Variants in ARHGEF10 observed in about 807,000 individuals in gnomAD.
ARHGEF10 encodes Rho guanine nucleotide exchange factor 10, also known as Rho guanine nucleotide exchange factor (GEF) 10.
Under a neutral mutation model 147.4 loss-of-function variants are expected in ARHGEF10, and 140 were observed. The observed-to-expected ratio is 0.95, with a 90% CI of 0.83 to 1.09. ARHGEF10 has a LOEUF of 1.09. Ranked by LOEUF, ARHGEF10 falls within the 50% of genes least tolerant of loss-of-function variation. ARHGEF10 has a pLI of 0.00. For synonymous variants in ARHGEF10, 902 were observed against 695.8 expected (o/e 1.30, Z -4.67); for missense variants, 2,222 against 1,752.7 (o/e 1.27, Z -4.78).
intron 2 of ARHGEF10, among the ~76,000 whole-genome samples, chr8:1,851,849 G>A (rs1357449150): frequency 6.6e-6 from 1 of 151,914 alleles, no homozygotes; most frequent in African/African-American, 2.4e-5. Flanking sequence ...AGGAGGTCAA[G>A]GCTGCAGTAA....
chr8:1,862,081 C>T (rs914882175), intron 4 of ARHGEF10, among the ~76,000 whole-genome samples: 1 of 152,190 alleles, frequency 6.6e-6, no homozygotes, highest in Non-Finnish European at 1.5e-5. Context: ...GCGTTTTGAT[C>T]ATTGAATGAG....
intron 7 of ARHGEF10, among the ~76,000 whole-genome samples, chr8:1,873,966 C>A (rs906393565): frequency 6.6e-6 from 1 of 152,168 alleles, no homozygotes; most frequent in African/African-American, 2.4e-5. Context: ...GCCAATGCCT[C>A]CATAGGCCAC....
chr8:1,826,276 T>C, intron 1 of ARHGEF10: 1 of 789,490 alleles, frequency 1.3e-6, no homozygotes, highest in Non-Finnish European at 2.1e-6. Context: ...GTAACCACAT[T>C]TGTCTTCTGG....
chr8:1,836,304 C>T (rs940911423), intron 1 of ARHGEF10, among the ~76,000 whole-genome samples: 4 of 152,162 alleles, frequency 2.6e-5, no homozygotes, highest in African/African-American at 9.7e-5. Flanking sequence ...CAGGTATGAG[C>T]TCATGCTGCA....
intron 2 of ARHGEF10, among the ~76,000 whole-genome samples, chr8:1,849,407 CG>C (rs1276996265): frequency 2.7e-5 from 4 of 148,214 alleles, no homozygotes; most frequent in Non-Finnish European, 5.9e-5. Flanking sequence ...GGGCGTGGGC[CG>C]GCCGCGTGGA....
chr8:1,890,473 A>G (rs1200574843), intron 11 of ARHGEF10, among the ~76,000 whole-genome samples: 2 of 143,856 alleles, frequency 1.4e-5, no homozygotes, highest in East Asian at 2.1e-4. Flanking sequence ...TGTTGTGAGG[A>G]GACACTGAGT....
intron 25 of ARHGEF10, among the ~76,000 whole-genome samples, chr8:1,932,757 C>T (rs576742354): frequency 6.6e-6 from 1 of 152,332 alleles, no homozygotes; most frequent in South Asian, 2.1e-4. Context: ...AGTGACTGCA[C>T]ACCTCCACTT....
chr8:1,907,712 C>T (rs1351049757), intron 17 of ARHGEF10, among the ~76,000 whole-genome samples: 1 of 152,188 alleles, frequency 6.6e-6, no homozygotes, highest in Non-Finnish European at 1.5e-5. Flanking sequence ...AATAACGCCC[C>T]TGCCTTTCCC....
At chr8:1,909,842 T>G (rs1460932629) in intron 18 of ARHGEF10, among the ~76,000 whole-genome samples, 2 of 152,156 alleles carry the variant, frequency 1.3e-5, no homozygotes, top group African/African-American at 4.8e-5. Context: ...GTCATAGAGC[T>G]TGAGGCGGTG....
chr8:1,864,528 A>T (rs896614986), intron 5 of ARHGEF10, 92 bp downstream of exon 5: 1 of 1,347,334 alleles, frequency 7.4e-7, no homozygotes, highest in East Asian at 2.3e-5. Context: ...CCTGCCCGCC[A>T]TCCTCAGCTC....
At chr8:1,859,293 TTG>T in intron 3 of ARHGEF10, among the ~76,000 whole-genome samples, 1 of 145,502 alleles carries the variant, frequency 6.9e-6, no homozygotes, top group African/African-American at 2.5e-5. Flanking sequence ...TGGTGTTTCT[TTG>T]TGTGCAGCAC....
At chr8:1,870,365 A>C (rs59903210) in intron 7 of ARHGEF10, 1 of 151,858 alleles carries the variant, frequency 6.6e-6, no homozygotes. Flanking sequence ...TGGTAAATGC[A>C]AGAAAATATA....
chr8:1,903,723 G>T (rs1409765779), intron 16 of ARHGEF10: 2 of 531,624 alleles, frequency 3.8e-6, no homozygotes, highest in East Asian at 3.4e-5. Flanking sequence ...CTCCCAAGGG[G>T]TTAAGAGCAA....
chr8:1,890,408 T>A (rs1809407516), intron 11 of ARHGEF10, among the ~76,000 whole-genome samples: 1 of 142,822 alleles, frequency 7.0e-6, no homozygotes, highest in Admixed American at 6.9e-5. Context: ...TGGGTGAGGG[T>A]TGTGAGAAGA....
In ARHGEF10 at chr8:1,861,946, A is replaced by C. The variant is rs145255543; in HGVS notation, c.481+1762A>C. 3.3e-5 allele frequency among the ~76,000 whole-genome samples: 5 copies of C among 152,372 alleles called. No homozygotes were observed. In the East Asian group the frequency reaches 9.6e-4, roughly 29 times the overall value. ...ATATCATTTAATTTATTTTTAAAAT[A>C]ACTTAGCATGAATTTAAAACAATTT... On this transcript the variant is annotated intron_variant, in intron 4 of 28. Transcript: ENST00000349830.
intron 19 of ARHGEF10, 175 bp downstream of exon 19, chr8:1,923,254 T>G: frequency 1.1e-6 from 1 of 892,132 alleles, no homozygotes; most frequent in Non-Finnish European, 1.7e-6. Context: ...ATGGTAACTT[T>G]TCTTCATTTT....
intron 1 of ARHGEF10, among the ~76,000 whole-genome samples, chr8:1,825,733 G>C (rs932417470): frequency 6.6e-6 from 1 of 152,106 alleles, no homozygotes; most frequent in East Asian, 1.9e-4. Context: ...GTCTGATATT[G>C]ATTCCAGTCA....
chr8:1,920,175 A>G (rs986370496), intron 18 of ARHGEF10, among the ~76,000 whole-genome samples: 5 of 152,028 alleles, frequency 3.3e-5, no homozygotes, highest in African/African-American at 1.2e-4. Flanking sequence ...GGAGATGTTC[A>G]CGTGCATTTA....
intron 1 of ARHGEF10, among the ~76,000 whole-genome samples, chr8:1,830,262 T>TCATTTCCCGTGGGGCC (rs1803012525): frequency 2.7e-5 from 4 of 149,636 alleles, no homozygotes; most frequent in Admixed American, 1.3e-4. Context: ...CCCGTGGGGC[T>TCATTTCCCGTGGGGCC]CAGGCGGCTC....
Sources: allele counts gnomAD v4.1 joint callset (sites outside exome capture counted in the v4.1 genomes callset), GRCh38; gene constraint gnomAD v4.1.1; transcripts MANE v1.5; gene names NCBI Gene and HGNC (gene_info 2026-07-23, HGNC 2026-07-21).